HS3ST5: variants seen among roughly 807,000 people sequenced by gnomAD.
HS3ST5 encodes the protein heparan sulfate-glucosamine 3-sulfotransferase 5.
Under a neutral mutation model 25.4 loss-of-function variants are expected in HS3ST5, and 10 were observed. The ratio of observed to expected loss-of-function variants is 0.39; its 90% confidence interval spans 0.24 to 0.67. The LOEUF (loss-of-function observed/expected upper bound fraction) is 0.67. Ranked by LOEUF, HS3ST5 falls within the 30% of genes least tolerant of loss-of-function variation. HS3ST5 has a pLI of 0.44. For synonymous variants in HS3ST5, 170 were observed against 162.4 expected (o/e 1.05, Z -0.36); for missense variants, 324 against 420.7 (o/e 0.77, Z 2.01).
At chr6:114,330,964 T>C (rs1776369648) in intron 1 of HS3ST5, among the ~76,000 whole-genome samples, 1 of 152,244 alleles carries the variant, frequency 6.6e-6, no homozygotes, top group Non-Finnish European at 1.5e-5. Context: ...TCATTATTAA[T>C]ATATCCCCTT....
chr6:114,222,365 G>A (rs190885273), intron 2 of HS3ST5, among the ~76,000 whole-genome samples: 65 of 151,910 alleles, frequency 4.3e-4, no homozygotes, highest in Admixed American at 3.4e-3. Flanking sequence ...TCTTAGAACA[G>A]CCTACCACAA....
chr6:114,320,266 A>G (rs1300967688), intron 1 of HS3ST5, among the ~76,000 whole-genome samples: 1 of 152,128 alleles, frequency 6.6e-6, no homozygotes, highest in Non-Finnish European at 1.5e-5. Context: ...AAGTTTAAGT[A>G]TTAAAGCCAC....
intron 3 of HS3ST5, among the ~76,000 whole-genome samples, chr6:114,087,260 C>G (rs1562191361): frequency 6.6e-6 from 1 of 152,218 alleles, no homozygotes; most frequent in African/African-American, 2.4e-5. Flanking sequence ...ATGCCAGGTA[C>G]TTTCCAAATT....
intron 2 of HS3ST5, among the ~76,000 whole-genome samples, chr6:114,173,494 G>A (rs974031974): frequency 1.3e-5 from 2 of 152,166 alleles, no homozygotes; most frequent in African/African-American, 4.8e-5. Context: ...AATTTCTAAT[G>A]AACTCGCCAA....
intron 1 of HS3ST5, among the ~76,000 whole-genome samples, chr6:114,269,076 C>T (rs771355923): frequency 6.6e-6 from 1 of 152,120 alleles, no homozygotes; most frequent in Non-Finnish European, 1.5e-5. Flanking sequence ...TAAAACCTCA[C>T]CTAAAGTATA....
At chr6:114,077,352 G>T (rs1774195352) in intron 3 of HS3ST5, among the ~76,000 whole-genome samples, 1 of 152,108 alleles carries the variant, frequency 6.6e-6, no homozygotes, top group Non-Finnish European at 1.5e-5. Context: ...CACTGGTATA[G>T]GTAACTAATG....
chr6:114,141,429 G>A (rs986650781), intron 3 of HS3ST5, among the ~76,000 whole-genome samples: 26 of 152,134 alleles, frequency 1.7e-4, no homozygotes, highest in African/African-American at 4.8e-4. Flanking sequence ...TATATTTAAA[G>A]CTAAGCATAC....
At chr6:114,184,196 G>T (rs1370046411) in intron 2 of HS3ST5, among the ~76,000 whole-genome samples, 8 of 150,946 alleles carry the variant, frequency 5.3e-5, no homozygotes, top group African/African-American at 1.9e-4. Flanking sequence ...TAGCTGAGAA[G>T]ATTTCTAAGC....
At chr6:114,315,008 T>C (rs1775691222) in intron 1 of HS3ST5, among the ~76,000 whole-genome samples, 1 of 152,184 alleles carries the variant, frequency 6.6e-6, no homozygotes, top group East Asian at 1.9e-4. Context: ...AACATAGTCT[T>C]AATTTTATGT....
intron 1 of HS3ST5, among the ~76,000 whole-genome samples, chr6:114,256,586 A>T (rs1772936347): frequency 6.6e-6 from 1 of 152,060 alleles, no homozygotes; most frequent in Non-Finnish European, 1.5e-5. Context: ...CAAGAGTCAC[A>T]TTTACTCCAG....
intron 4 of HS3ST5, among the ~76,000 whole-genome samples, chr6:114,061,094 A>G (rs1773090116): frequency 6.6e-6 from 1 of 152,200 alleles, no homozygotes; most frequent in Non-Finnish European, 1.5e-5. Context: ...TTCAATTCCA[A>G]ATAAAAGCTA....
chr6:114,318,567 T>A (rs1281162777), intron 1 of HS3ST5, among the ~76,000 whole-genome samples: 1 of 152,170 alleles, frequency 6.6e-6, no homozygotes, highest in Non-Finnish European at 1.5e-5. Context: ...TATGTACAAA[T>A]CTGTTCTCTT....
intron 1 of HS3ST5, among the ~76,000 whole-genome samples, chr6:114,300,420 A>G (rs1775023954): frequency 6.6e-6 from 1 of 152,208 alleles, no homozygotes; most frequent in Admixed American, 6.5e-5. Context: ...ATCATTAGTA[A>G]TTAGGGAAAT....
At chr6:114,142,042 A>G (rs988521373) in intron 3 of HS3ST5, among the ~76,000 whole-genome samples, 2 of 151,660 alleles carry the variant, frequency 1.3e-5, no homozygotes, top group African/African-American at 2.4e-5. Flanking sequence ...AATATTCATG[A>G]TATTTCTTGG....
chr6:114,080,017 T>A (rs1388138068), intron 3 of HS3ST5, among the ~76,000 whole-genome samples: 1 of 152,200 alleles, frequency 6.6e-6, no homozygotes, highest in Non-Finnish European at 1.5e-5. Context: ...CCTTAGGTGA[T>A]CCGCCCGCCC....
At chr6:114,251,897 A>G (rs1358328688) in intron 1 of HS3ST5, 1 of 152,178 alleles carries the variant, frequency 6.6e-6, no homozygotes, top group Non-Finnish European at 1.5e-5. Context: ...GTTACATGAC[A>G]ATAAATTGTC....
At position 114,339,619 on chromosome 6, in the gene HS3ST5, T is replaced by C. The variant is rs574973481; in HGVS notation, c.-339+2576A>G. ...GCATTTACTCATAAATGAATACTAA[T>C]GACAAATTCAGAGCTGGCATTACTC... On this transcript the variant is annotated intron_variant, in intron 1 of 4. Coordinates refer to ENST00000312719, the MANE Select transcript of HS3ST5 (RefSeq NM_153612.4). Among the ~76,000 whole-genome samples, 3 of 152,298 alleles carry C rather than the reference T, an allele frequency of 2.0e-5. No individual in the cohort carries two copies. In the East Asian group the frequency reaches 5.8e-4, roughly 29 times the overall value.
chr6:114,293,422 G>A (rs62442638), intron 1 of HS3ST5, among the ~76,000 whole-genome samples: 5,052 of 152,214 alleles, frequency 0.033, 136 homozygotes, highest in Non-Finnish European at 0.049. Context: ...TGGGCAAAGG[G>A]GAGTCACTGA....
At chr6:114,078,492 C>T (rs1403131952) in intron 3 of HS3ST5, among the ~76,000 whole-genome samples, 3 of 152,128 alleles carry the variant, frequency 2.0e-5, no homozygotes, top group Admixed American at 2.0e-4. Context: ...CCACCATGCC[C>T]GGCAAACACA....
Sources: allele counts gnomAD v4.1 joint callset (sites outside exome capture counted in the v4.1 genomes callset), GRCh38; gene constraint gnomAD v4.1.1; transcripts MANE v1.5; gene names NCBI Gene and HGNC (gene_info 2026-07-23, HGNC 2026-07-21).